RAD51B: variants seen among roughly 807,000 people sequenced by gnomAD.
RAD51B encodes the protein DNA repair protein RAD51 homolog 2.
Under a neutral mutation model 42.2 loss-of-function variants are expected in RAD51B, and 38 were observed. The observed-to-expected ratio is 0.90, with a 90% CI of 0.70 to 1.18. The LOEUF is 1.18. Ranked by LOEUF, RAD51B falls within the 50% of genes most tolerant of loss-of-function variation. The pLI, the probability that RAD51B is intolerant of heterozygous loss-of-function variation, is 0.00. For missense variants in RAD51B, 373 were observed against 400.7 expected (o/e 0.93, Z 0.59); for synonymous variants, 154 against 145.2 (o/e 1.06, Z -0.43).
chr14:67,891,780 C>G (rs1003404158), intron 7 of RAD51B, among the ~76,000 whole-genome samples: 1 of 151,958 alleles, frequency 6.6e-6, no homozygotes, highest in African/African-American at 2.4e-5. Context: ...TAGGCCACTT[C>G]ATTTAAAATA....
At chr14:68,311,847 C>T (rs1400681708) in intron 8 of RAD51B, among the ~76,000 whole-genome samples, 2 of 152,126 alleles carry the variant, frequency 1.3e-5, no homozygotes, top group African/African-American at 2.4e-5. Flanking sequence ...GAGCCAAGAT[C>T]GTGCCACTGC....
intron 7 of RAD51B, among the ~76,000 whole-genome samples, chr14:67,920,739 A>T (rs12890817): frequency 6.6e-6 from 1 of 152,162 alleles, no homozygotes; most frequent in African/African-American, 2.4e-5. Flanking sequence ...TGGTCTTAGG[A>T]ATACAGGACA....
At chr14:68,393,144 G>A (rs546783620) in intron 8 of RAD51B, among the ~76,000 whole-genome samples, 1 of 152,160 alleles carries the variant, frequency 6.6e-6, no homozygotes, top group Non-Finnish European at 1.5e-5. Context: ...AAGAGGAGGG[G>A]GTGAGCTCCG....
chr14:67,885,195 G>T (rs1379730903), intron 5 of RAD51B, among the ~76,000 whole-genome samples: 2 of 152,266 alleles, frequency 1.3e-5, no homozygotes, highest in East Asian at 3.9e-4. Flanking sequence ...ATAAATATGA[G>T]AAATTTCTAG....
chr14:67,864,994 T>TACAGG lies in RAD51B; in HGVS notation c.316-9_316-8insACAGG. The TACAGG allele has an allele frequency of 7.5e-7, 1 of 1,336,930 alleles. No homozygotes were observed. The highest frequency in any genetic ancestry group is 9.5e-7 in the Non-Finnish European group (1 of 1,053,590). The allele number at this position is 1,336,930 out of a possible 1,614,324, so 82.8% of individuals were successfully genotyped here. A position where few individuals can be genotyped will look rare whatever the true frequency, so the allele number is the denominator to read the frequency against. ...TTTTTTTTTTTTTTTTTTTTTTTTT[T>TACAGG]TTTTTTAGATTACAGGTCCACCAGG... On this transcript the variant is annotated splice_polypyrimidine_tract_variant and intron_variant, in intron 4 of 10. Transcript: ENST00000471583.
intron 10 of RAD51B, chr14:68,497,549 G>A (rs1381546074): frequency 5.7e-5 from 59 of 1,042,074 alleles, no homozygotes; most frequent in Non-Finnish European, 6.7e-5. Flanking sequence ...ATTTATATAA[G>A]ATGAAATTAA....
At chr14:68,314,027 AG>A (rs1421708519) in intron 8 of RAD51B, among the ~76,000 whole-genome samples, 2 of 152,126 alleles carry the variant, frequency 1.3e-5, no homozygotes, top group Non-Finnish European at 2.9e-5. Context: ...CAGTTCATCT[AG>A]CTTCCTATTA....
chr14:68,480,474 A>G (rs1883089432), downstream of RAD51B, among the ~76,000 whole-genome samples: 1 of 152,130 alleles, frequency 6.6e-6, no homozygotes, highest in Non-Finnish European at 1.5e-5. Context: ...GGTGCCCAAT[A>G]TGGGGTGACT....
At chr14:68,032,952 T>C (rs1395791757) in intron 7 of RAD51B, among the ~76,000 whole-genome samples, 2 of 152,198 alleles carry the variant, frequency 1.3e-5, no homozygotes, top group Admixed American at 6.5e-5. Flanking sequence ...CTGATCCTTC[T>C]TGGGGATCAT....
At chr14:68,335,781 CAA>C (rs1393731276) in intron 8 of RAD51B, among the ~76,000 whole-genome samples, 1 of 152,184 alleles carries the variant, frequency 6.6e-6, no homozygotes, top group African/African-American at 2.4e-5. Context: ...TTTCTAGTAA[CAA>C]GAGCAGAAAG....
At chr14:67,984,645 A>G (rs149864029) in intron 7 of RAD51B, among the ~76,000 whole-genome samples, 1,792 of 152,162 alleles carry the variant, frequency 0.012, 18 homozygotes, top group Non-Finnish European at 0.02. Context: ...TAAGCCCTAG[A>G]ATGCTTCAGG....
chr14:68,366,686 C>T (rs2083149307), intron 8 of RAD51B, among the ~76,000 whole-genome samples: 1 of 152,320 alleles, frequency 6.6e-6, no homozygotes, highest in East Asian at 1.9e-4. Flanking sequence ...AAGAAACTGG[C>T]AGGGGTGGCT....
chr14:68,671,985 G>C (rs1030170052), intron 11 of RAD51B, among the ~76,000 whole-genome samples: 1 of 152,218 alleles, frequency 6.6e-6, no homozygotes, highest in African/African-American at 2.4e-5. Context: ...CCACAGGACA[G>C]TTGGGTGGAC....
rs116173593 is a variant in RAD51B, at chr14:68,680,809, G to A, written c.*11+29953G>A. Among the ~76,000 whole-genome samples the A allele has an allele frequency of 1.5e-3, 230 of 152,184 alleles. 1 individual carries two copies. The highest frequency in any genetic ancestry group is 5.0e-3 in the African/African-American group (207 of 41,504). ...CTGAACTCAATTCAGATACCTGAGC[G>A]TCGCAGTAAGCTGAGAGTGAGGCCC... is the stretch of plus-strand genomic sequence containing the variant. On this transcript the variant is annotated intron_variant, in intron 11 of 11. Transcript: ENST00000488612.
intron 7 of RAD51B, among the ~76,000 whole-genome samples, chr14:68,106,665 A>G (rs1413131219): frequency 6.6e-6 from 1 of 151,890 alleles, no homozygotes; most frequent in Admixed American, 6.6e-5. Flanking sequence ...CAGCTTACTT[A>G]GTACTTCATT....
At chr14:68,038,062 C>G (rs73284247) in intron 7 of RAD51B, among the ~76,000 whole-genome samples, 2,224 of 152,258 alleles carry the variant, frequency 0.015, 57 homozygotes, top group African/African-American at 0.05. Context: ...CAGACCAGAC[C>G]AGTGTTTGAA....
intron 10 of RAD51B, among the ~76,000 whole-genome samples, chr14:68,584,485 C>T (rs1036807543): frequency 3.9e-5 from 6 of 152,210 alleles, no homozygotes; most frequent in African/African-American, 1.4e-4. Context: ...GCTCCCATAG[C>T]ATTGCCCTCC....
intron 10 of RAD51B, among the ~76,000 whole-genome samples, chr14:68,469,552 C>T (rs2086070347): frequency 6.6e-6 from 1 of 152,258 alleles, no homozygotes; most frequent in Admixed American, 6.5e-5. Flanking sequence ...ATAGTGTTTT[C>T]TGACAAAGGA....
chr14:68,328,552 T>C (rs988717950), intron 8 of RAD51B, among the ~76,000 whole-genome samples: 6 of 152,190 alleles, frequency 3.9e-5, no homozygotes, highest in Non-Finnish European at 8.8e-5. Context: ...CCCTGTGTTC[T>C]CCCCTGTCCA....
Sources: allele counts gnomAD v4.1 joint callset (sites outside exome capture counted in the v4.1 genomes callset), GRCh38; gene constraint gnomAD v4.1.1; transcripts MANE v1.5; gene names NCBI Gene and HGNC (gene_info 2026-07-23, HGNC 2026-07-21).